The following CHM variants were observed in gnomAD, a reference collection of about 807,000 sequenced individuals.
CHM encodes CHM Rab escort protein.
A neutral mutation model predicts 49.0 loss-of-function variants in CHM; 10 were observed. That is an observed-to-expected ratio of 0.20 (90% confidence interval 0.13 to 0.35). CHM has a LOEUF of 0.35. Ranked by LOEUF, CHM falls within the 10% of genes least tolerant of loss-of-function variation. The probability of loss-of-function intolerance (pLI) is 1.00; values close to 1 mark genes in which losing one functional copy is unlikely to be tolerated. For missense variants in CHM, 455 were observed against 478.4 expected, an observed-to-expected ratio of 0.95 and a Z score of 0.46; for synonymous variants, 184 against 167.5, an observed-to-expected ratio of 1.10 and a Z score of -0.76.
intron 8 of CHM, among the ~76,000 whole-genome samples, chrX:85,939,496 T>C (rs190342955): frequency 1.8e-5 from 2 of 112,328 alleles, no homozygotes; most frequent in Non-Finnish European, 3.8e-5. Context: ...TACCAGACAA[T>C]ACAGCCATCT....
At chrX:85,898,525 C>CT (rs1926051304) in intron 11 of CHM, among the ~76,000 whole-genome samples, 2 of 111,821 alleles carry the variant, frequency 1.8e-5, no homozygotes, top group African/African-American at 6.5e-5. Context: ...GAAACACCCT[C>CT]TTCATCTCCA....
chrX:85,924,570 T>C (rs905727577), intron 8 of CHM, among the ~76,000 whole-genome samples: 9 of 111,809 alleles, frequency 8.0e-5, no homozygotes, highest in Non-Finnish European at 1.3e-4. Context: ...AAACCACTAC[T>C]ATCTCTTGGC....
intron 8 of CHM, among the ~76,000 whole-genome samples, chrX:85,916,626 G>A (rs1927471621): frequency 8.9e-6 from 1 of 111,796 alleles, no homozygotes; most frequent in Admixed American, 9.5e-5. Context: ...TTAAAAAAGT[G>A]GGCAAAGAAT....
chrX:85,900,605 T>C lies in CHM; in HGVS notation c.1413+41A>G, dbSNP rs915001831. ...GTATATATATACCGAAACATCTTCATATATACAACTTTTATTAAAAATATA... is the reference window on the plus strand; with the variant it reads ...GTATATATATACCGAAACATCTTCACATATACAACTTTTATTAAAAATATA... On this transcript the variant is annotated intron_variant, in intron 11 of 14. Transcript: ENST00000357749. 3.7e-6 allele frequency: 3 copies of C among 816,168 alleles called. No homozygotes were observed. The African/African-American group carries it at 6.1e-5, about 17-fold the overall frequency. The allele number at this position is 816,168 out of a possible 1,213,427, so 67.3% of individuals were successfully genotyped here.
At chrX:85,972,959 C>A (rs2147695396) in intron 4 of CHM, among the ~76,000 whole-genome samples, 1 of 111,761 alleles carries the variant, frequency 8.9e-6, no homozygotes, top group South Asian at 3.8e-4. Context: ...CCAAGAAATA[C>A]ACATTTTACT....
intron 8 of CHM, among the ~76,000 whole-genome samples, chrX:85,918,372 C>T (rs1927576870): frequency 9.0e-6 from 1 of 111,730 alleles, no homozygotes; most frequent in Non-Finnish European, 1.9e-5. Flanking sequence ...GAATTCGTTA[C>T]CACCACACCT....
chrX:85,930,059 G>T (rs1203192606), intron 8 of CHM, among the ~76,000 whole-genome samples: 3 of 111,780 alleles, frequency 2.7e-5, no homozygotes, highest in African/African-American at 9.8e-5. Context: ...CCGAGATCAT[G>T]CCATTGCACT....
At chrX:85,977,419 G>A (rs1931337980) in intron 4 of CHM, among the ~76,000 whole-genome samples, 1 of 112,181 alleles carries the variant, frequency 8.9e-6, no homozygotes, top group Admixed American at 9.4e-5. Context: ...CGAAACTGAA[G>A]AGATCAGGAA....
chrX:85,898,752 G>A (rs1259547192), intron 11 of CHM, among the ~76,000 whole-genome samples: 1 of 111,760 alleles, frequency 8.9e-6, no homozygotes, highest in African/African-American at 3.3e-5. Context: ...TCTTCTACCC[G>A]CCCATGCTCA....
At position 85,863,805 on chromosome X, in the gene CHM, A is replaced by G. The variant is rs1923522519; in HGVS notation, c.*825T>C. 8.9e-6 allele frequency: 1 copy of G among 112,055 alleles called. No individual in the cohort carries two copies. The highest frequency in any genetic ancestry group is 3.2e-5 in the African/African-American group (1 of 30,807). 9.2% of individuals were successfully genotyped at this position (112,055 alleles called of 1,213,427 possible). A position where few individuals can be genotyped will look rare whatever the true frequency, so the allele number is the denominator to read the frequency against. On this transcript the variant is annotated 3_prime_UTR_variant, in exon 15 of 15. Transcript: ENST00000357749. ...CATAGTAATACTATTTCCACTTTAT[A>G]TATGGAGAAACGTAGGCTCAGAAGT...
Position 85,864,801 on chromosome X carries a change from T to A in CHM, c.1791A>T (p.Glu597Asp), listed in dbSNP as rs747165956. The change falls in exon 15 of 15, where the codon GAA becomes GAT. Residue 597 changes from glutamate (E) to aspartate (D), a missense_variant. By Grantham distance (45) the Glu-to-Asp change is conservative. Coordinates refer to ENST00000357749, the MANE Select transcript of CHM (RefSeq NM_000390.4). ...AVKQAETLFQ[E>D]ICPNEDFCPP... ...GACAGAAATCTTCATTGGGGCAGAT[T>A]TCCTGGAAAAGTGTTTCAGCCTGGC... 2 of 1,208,460 alleles carry A rather than the reference T, an allele frequency of 1.7e-6. No homozygotes were observed. Among genetic ancestry groups the A allele is most frequent in the Non-Finnish European group, 2.2e-6 (2 of 893,674 alleles).
intron 2 of CHM, among the ~76,000 whole-genome samples, chrX:85,987,910 A>G (rs942034809): frequency 8.9e-6 from 1 of 112,028 alleles, no homozygotes; most frequent in Non-Finnish European, 1.9e-5. Flanking sequence ...AGATGGATTC[A>G]CAGCCGAATT....
intron 2 of CHM, among the ~76,000 whole-genome samples, chrX:86,016,132 CAAA>C (rs1190600266): frequency 1.9e-5 from 2 of 107,315 alleles, no homozygotes; most frequent in Non-Finnish European, 3.8e-5. Context: ...GCCTTTGTCT[CAAA>C]AAATAAAAAT....
chrX:85,885,128 G>C (rs965431529), intron 12 of CHM, among the ~76,000 whole-genome samples: 35 of 110,442 alleles, frequency 3.2e-4, no homozygotes, highest in African/African-American at 1.1e-3. Context: ...ATACTGAAGA[G>C]AAGTAAAGAT....
chrX:86,003,780 G>A (rs768626231), intron 2 of CHM, among the ~76,000 whole-genome samples: 5 of 112,000 alleles, frequency 4.5e-5, no homozygotes, highest in Non-Finnish European at 9.4e-5. Flanking sequence ...CCAAATCTAC[G>A]TTTGACTGCT....
intron 8 of CHM, among the ~76,000 whole-genome samples, chrX:85,948,669 G>A (rs1371784368): frequency 6.3e-5 from 7 of 111,520 alleles, no homozygotes; most frequent in Non-Finnish European, 1.1e-4. Context: ...GCCTTGATGA[G>A]AACATGCTGT....
Position 86,047,481 on chromosome X carries a change from T to TA in CHM, c.49+2dup. On this transcript the variant is annotated splice_region_variant and intron_variant, in intron 1 of 14. Coordinates refer to ENST00000357749, the MANE Select transcript of CHM (RefSeq NM_000390.4). ...TGTCCAGGAAGCACCAGGCTACACA[T>TA]ACCCGTCCCTATTACGATCACATCA... 2 of 1,205,760 alleles carry TA rather than the reference T, an allele frequency of 1.7e-6. No homozygotes were observed. Among genetic ancestry groups the TA allele is most frequent in the Non-Finnish European group, 2.2e-6 (2 of 890,621 alleles).
intron 8 of CHM, among the ~76,000 whole-genome samples, chrX:85,951,592 A>G (rs1238103591): frequency 2.7e-5 from 3 of 112,278 alleles, no homozygotes; most frequent in African/African-American, 9.7e-5. Flanking sequence ...ATATATTTTA[A>G]AACTCCTACA....
intron 4 of CHM, chrX:85,970,249 A>G: frequency 4.0e-6 from 3 of 747,516 alleles, no homozygotes; most frequent in South Asian, 1.4e-4. Flanking sequence ...TGGCATATAA[A>G]CTGGTCTCAA....
Sources: allele counts gnomAD v4.1 joint callset (sites outside exome capture counted in the v4.1 genomes callset), GRCh38; gene constraint gnomAD v4.1.1; transcripts MANE v1.5; gene names NCBI Gene and HGNC (gene_info 2026-07-23, HGNC 2026-07-21).